NKAIN2: variants seen among roughly 807,000 people sequenced by gnomAD.
NKAIN2 encodes sodium/potassium transporting ATPase interacting 2, also known as sodium/potassium-transporting ATPase subunit beta-1-interacting protein 2.
A neutral mutation model predicts 32.6 loss-of-function variants in NKAIN2; 14 were observed. The observed-to-expected ratio is 0.43, with a 90% CI of 0.28 to 0.67. NKAIN2 has a LOEUF of 0.67. Ranked by LOEUF, NKAIN2 falls within the 30% of genes least tolerant of loss-of-function variation. The probability of loss-of-function intolerance (pLI) is 0.17; values close to 1 mark genes in which losing one functional copy is unlikely to be tolerated. For missense variants in NKAIN2, 198 were observed against 258.3 expected, an observed-to-expected ratio of 0.77 and a Z score of 1.60; for synonymous variants, 80 against 87.2, an observed-to-expected ratio of 0.92 and a Z score of 0.46.
intron 3 of NKAIN2, among the ~76,000 whole-genome samples, chr6:124,507,863 G>A (rs1295810884): frequency 2.0e-5 from 3 of 152,170 alleles, no homozygotes; most frequent in East Asian, 3.9e-4. Flanking sequence ...GAATTCAAGG[G>A]CTCCACTCTT....
Position 123,868,016 on chromosome 6 carries a change from A to G in NKAIN2, c.54+63762A>G, listed in dbSNP as rs9482477. 2.6e-3 allele frequency among the ~76,000 whole-genome samples: 396 copies of G among 151,834 alleles called. 3 individuals are homozygous for G. The highest frequency in any genetic ancestry group is 9.0e-3 in the African/African-American group (373 of 41,394). ...CCCGAGTAGCTGGGACTACAGGCGC[A>G]CACCACCACACCCGGCTAATTTTTT... is the stretch of plus-strand genomic sequence containing the variant. On this transcript the variant is annotated intron_variant, in intron 1 of 6. Coordinates refer to ENST00000368417, the MANE Select transcript of NKAIN2 (RefSeq NM_001040214.3).
At chr6:124,132,905 G>T (rs1257949179) in intron 1 of NKAIN2, among the ~76,000 whole-genome samples, 1 of 152,192 alleles carries the variant, frequency 6.6e-6, no homozygotes, top group Non-Finnish European at 1.5e-5. Context: ...TAGGGGAAGG[G>T]GGAGAGCACA....
chr6:124,369,617 T>A (rs1179598604), intron 3 of NKAIN2, among the ~76,000 whole-genome samples: 5 of 152,086 alleles, frequency 3.3e-5, no homozygotes, highest in Non-Finnish European at 5.9e-5. Context: ...TTACTTTTCT[T>A]CCAGTGTGGC....
At chr6:124,530,924 C>G (rs1385568542) in intron 3 of NKAIN2, among the ~76,000 whole-genome samples, 1 of 152,120 alleles carries the variant, frequency 6.6e-6, no homozygotes, top group African/African-American at 2.4e-5. Flanking sequence ...CTATCTGGGC[C>G]CTCAGTGGAT....
At chr6:124,025,741 T>G (rs190293056) in intron 1 of NKAIN2, among the ~76,000 whole-genome samples, 2 of 152,326 alleles carry the variant, frequency 1.3e-5, no homozygotes, top group East Asian at 3.9e-4. Context: ...ATTAGCTTGA[T>G]GTGCGAAAAA....
At chr6:124,096,600 G>A (rs1261272644) in intron 1 of NKAIN2, among the ~76,000 whole-genome samples, 5 of 152,168 alleles carry the variant, frequency 3.3e-5, no homozygotes, top group East Asian at 3.9e-4. Context: ...TCCAGGTGGG[G>A]CTATAGATAC....
intron 2 of NKAIN2, among the ~76,000 whole-genome samples, chr6:124,285,203 G>A (rs1051774906): frequency 2.0e-5 from 3 of 152,112 alleles, no homozygotes; most frequent in African/African-American, 7.2e-5. Context: ...GAAATCTTTT[G>A]CCGGCTGGAG....
rs143383650 is a variant in NKAIN2 at position 124,443,232 on chromosome 6, A to G, written c.273+87885A>G. ...CCCACATGTGTCTTCTCAAGCCTCC[A>G]ATTCATTTGCTACTTTTGCTCTTCT... On this transcript the variant is annotated intron_variant, in intron 3 of 6. Transcript: ENST00000368417. Among the ~76,000 whole-genome samples the G allele has an allele frequency of 9.9e-3, 1,513 of 152,128 alleles. 27 individuals carry two copies. The highest frequency in any genetic ancestry group is 0.035 in the African/African-American group (1,453 of 41,512).
intron 1 of NKAIN2, among the ~76,000 whole-genome samples, chr6:124,121,374 G>T (rs1785871381): frequency 6.6e-6 from 1 of 151,880 alleles, no homozygotes; most frequent in East Asian, 1.9e-4. Flanking sequence ...CATAATTGAT[G>T]ATTATACTAT....
intron 3 of NKAIN2, among the ~76,000 whole-genome samples, chr6:124,409,935 T>C (rs1774076932): frequency 6.6e-6 from 1 of 152,218 alleles, no homozygotes; most frequent in Non-Finnish European, 1.5e-5. Context: ...GGTGTATGTG[T>C]CGAGGAATTT....
chr6:123,943,056 G>C (rs1304502180), intron 1 of NKAIN2, among the ~76,000 whole-genome samples: 1 of 151,922 alleles, frequency 6.6e-6, no homozygotes, highest in Non-Finnish European at 1.5e-5. Flanking sequence ...TTTACAGTGT[G>C]GTTTGTTTTA....
intron 1 of NKAIN2, among the ~76,000 whole-genome samples, chr6:124,144,098 T>G (rs1279571675): frequency 1.3e-5 from 2 of 152,216 alleles, no homozygotes; most frequent in Admixed American, 1.3e-4. Context: ...AGATGTTAAT[T>G]ATCCACAGAT....
intron 2 of NKAIN2, among the ~76,000 whole-genome samples, chr6:124,326,049 TA>T (rs1436530535): frequency 2.0e-5 from 3 of 151,928 alleles, no homozygotes; most frequent in Non-Finnish European, 4.4e-5. Flanking sequence ...ATGTATATGA[TA>T]TTTTTTCAAA....
chr6:124,032,685 C>A (rs1425125900), intron 1 of NKAIN2, among the ~76,000 whole-genome samples: 1 of 151,848 alleles, frequency 6.6e-6, no homozygotes, highest in African/African-American at 2.4e-5. Flanking sequence ...ATCAGGATTT[C>A]CGTTTTAATG....
chr6:124,436,666 C>T (rs968975082), intron 3 of NKAIN2, among the ~76,000 whole-genome samples: 3 of 152,112 alleles, frequency 2.0e-5, no homozygotes, highest in African/African-American at 4.8e-5. Context: ...AGGGTACACC[C>T]GGAATCCCAC....
At chr6:124,628,221 T>C (rs750541288) in intron 3 of NKAIN2, among the ~76,000 whole-genome samples, 2 of 152,186 alleles carry the variant, frequency 1.3e-5, no homozygotes, top group African/African-American at 2.4e-5. Flanking sequence ...TCAACTCCCC[T>C]GTTAAGTCTT....
intron 6 of NKAIN2, among the ~76,000 whole-genome samples, chr6:124,820,234 T>A (rs530122948): frequency 1.8e-4 from 28 of 152,300 alleles, no homozygotes; most frequent in African/African-American, 6.5e-4. Context: ...TATAAAGTGT[T>A]CTATTTAAAA....
intron 2 of NKAIN2, among the ~76,000 whole-genome samples, chr6:124,322,033 A>G (rs1797217592): frequency 6.6e-6 from 1 of 152,200 alleles, no homozygotes; most frequent in African/African-American, 2.4e-5. Flanking sequence ...TACTCGAAAC[A>G]TAGCCAGATA....
intron 4 of NKAIN2, among the ~76,000 whole-genome samples, chr6:124,710,383 C>T (rs1199592464): frequency 4.0e-5 from 6 of 151,296 alleles, no homozygotes; most frequent in Non-Finnish European, 8.9e-5. Flanking sequence ...CCTGGGTATC[C>T]TTGTTGACTT....
Sources: gnomAD v4.1 joint callset for allele counts (sites outside exome capture counted in the v4.1 genomes callset) on GRCh38, gnomAD v4.1.1 for gene constraint, MANE v1.5 for transcripts, NCBI Gene and HGNC (gene_info 2026-07-23, HGNC 2026-07-21) for gene names.